Variants in ROBO3 observed in about 807,000 individuals in gnomAD.
ROBO3 encodes roundabout guidance receptor 3.
ROBO3 carries 97 observed loss-of-function variants against 160.5 expected under a neutral mutation model. The ratio of observed to expected loss-of-function variants is 0.60; its 90% CI spans 0.51 to 0.72. The LOEUF is 0.72. ROBO3 is among the 30% of genes least tolerant of loss of function. The pLI is 0.00. For synonymous variants in ROBO3, 780 were observed against 746.2 expected (o/e 1.05, Z -0.74); for missense variants, 1,858 against 1,846.5 (o/e 1.01, Z -0.11).
At position 124,869,491 on chromosome 11, in the gene ROBO3, G is replaced by C. The variant is rs1474772023; in HGVS notation, c.529G>C (p.Val177Leu). ...DFRQSPGNVVVAVGEPAVLEC... is the reference protein window; with the variant it reads ...DFRQSPGNVVLAVGEPAVLEC... ...CCGGCAGTCTCCTGGAAACGTGGTG[G>C]TGGCAGTGGGGGAGCCAGCAGTACT... is the stretch of plus-strand genomic sequence containing the variant. Residue 177 changes from valine (V) to leucine (L), a missense_variant, in exon 3 of 28, where the codon GTG becomes CTG. Physicochemically the swap from Val to Leu is conservative, Grantham distance 32. Coordinates refer to ENST00000397801, the MANE Select transcript of ROBO3 (RefSeq NM_022370.4). This position sits in a 1 kb window ranked among gnomAD's most constrained non-coding sequence, Gnocchi z 4.2. 6.4e-7 allele frequency: 1 copy of C among 1,559,570 alleles called. No individual in the cohort carries two copies. The highest frequency in any genetic ancestry group is 8.7e-7 in the Non-Finnish European group (1 of 1,151,310).
In ROBO3 at chr11:124,881,139, T is replaced by C. The variant is rs1250679119; in HGVS notation, c.4150-100T>C. 32 of 1,183,958 alleles carry C rather than the reference T, an allele frequency of 2.7e-5. 1 individual carries two copies. The East Asian group carries it at 5.6e-4, about 21-fold the overall frequency. 73.3% of individuals were successfully genotyped at this position (1,183,958 alleles called of 1,614,324 possible). ...ATAATAGAGGAGCCTGGGCTCACCG[T>C]AGGAGAACTGGGTTAGGAGAGAGAA... is the stretch of plus-strand genomic sequence containing the variant. On this transcript the variant is annotated intron_variant, in intron 27 of 27. Coordinates refer to ENST00000397801, the MANE Select transcript of ROBO3 (RefSeq NM_022370.4).
Position 124,869,067 on chromosome 11 carries a change from T to C in ROBO3, c.426T>C (p.Thr142=), listed in dbSNP as rs936779689. 1.9e-6 allele frequency: 3 copies of C among 1,599,718 alleles called. No individual in the cohort carries two copies. The highest frequency in any genetic ancestry group is 1.7e-5 in the Admixed American group (1 of 58,438). ...RRARPDEGVY[T]CVARNYLGAA... ...CGCGGCCGGACGAAGGTGTCTACACTTGCGTGGCTCGCAACTACCTGGGGG... is the reference window on the plus strand; with the variant it reads ...CGCGGCCGGACGAAGGTGTCTACACCTGCGTGGCTCGCAACTACCTGGGGG... Residue 142 remains threonine, a synonymous_variant, in exon 2 of 28, where the codon ACT becomes ACC. Transcript: ENST00000397801. This position sits in a 1 kb window ranked among gnomAD's most constrained non-coding sequence, Gnocchi z 4.2.
rs1327836262 is a variant in ROBO3, at chr11:124,871,139, G to T, written c.1158+1G>T. On this transcript the variant is annotated splice_donor_variant, in intron 7 of 27. Transcript: ENST00000397801. LOFTEE classifies it high-confidence loss of function. ...CTTCTGGCAGAAGGAGGGGAGTCAG[G>T]TGGGTGGCCATCTCCAAGGAGCTTC... 2 of 1,611,980 alleles carry T rather than the reference G, an allele frequency of 1.2e-6. No individual in the cohort carries two copies. The highest frequency in any genetic ancestry group is 2.7e-5 in the African/African-American group (2 of 74,922).
Position 124,877,150 on chromosome 11 carries a change from C to T in ROBO3, c.2780-11C>T, listed in dbSNP as rs1591517122. On this transcript the variant is annotated splice_polypyrimidine_tract_variant and intron_variant, in intron 17 of 27. Transcript: ENST00000397801. ...CACCTCTTCTTTCTCCCACGGGTTC[C>T]TTTCTGGAAGCCTCTTTTGCCTACA... 1.2e-6 allele frequency: 2 copies of T among 1,613,874 alleles called. No individual in the cohort carries two copies. The highest frequency in any genetic ancestry group is 1.7e-6 in the Non-Finnish European group (2 of 1,179,842).
In ROBO3 at chr11:124,876,712, C is replaced by G. The variant is rs2065103183; in HGVS notation, c.2779+252C>G. On this transcript the variant is annotated intron_variant, in intron 17 of 27. Transcript: ENST00000397801. This position sits in a 1 kb window ranked among gnomAD's most constrained non-coding sequence, Gnocchi z 5.3. ...TCTAAGACGCCACGAGGAGGCCAGG[C>G]TTTGCAACCATCTCCATAAAGAAGG... is the stretch of plus-strand genomic sequence containing the variant. The G allele has an allele frequency of 2.1e-6, 1 of 484,108 alleles. No individual in the cohort carries two copies. The highest frequency in any genetic ancestry group is 2.0e-5 in the African/African-American group (1 of 50,208). The allele number at this position is 484,108 out of a possible 1,614,324, so 30.0% of individuals were successfully genotyped here.
In ROBO3 at chr11:124,865,445, C is replaced by G. The variant is rs553920614; in HGVS notation, c.-133C>G. On this transcript the variant is annotated 5_prime_UTR_variant, in exon 1 of 28. Coordinates refer to ENST00000397801, the MANE Select transcript of ROBO3 (RefSeq NM_022370.4). The surrounding 1 kb of genome is among the most constrained non-coding windows in gnomAD (Gnocchi z 5.5). ...GAGGCACCGACCGTACCCAGGCGCA[C>G]CGGCAGGAGAGCGGCACCGTGGCTG... 5.0e-5 allele frequency: 43 copies of G among 864,600 alleles called. No homozygotes were observed. The highest frequency in any genetic ancestry group is 6.3e-5 in the Non-Finnish European group (36 of 570,448). 53.6% of individuals were successfully genotyped at this position (864,600 alleles called of 1,614,324 possible).
In ROBO3 at chr11:124,869,446, C is replaced by G; in HGVS notation, c.488-4C>G. ...CTTATTTCGCCCCCCACCGCCCCGC[C>G]CAGTCCTCCGTGATGATTTCCGGCA... On this transcript the variant is annotated splice_polypyrimidine_tract_variant and splice_region_variant and intron_variant, in intron 2 of 27. Transcript: ENST00000397801. The surrounding 1 kb of genome is among the most constrained non-coding windows in gnomAD (Gnocchi z 4.2). 3.9e-6 allele frequency: 6 copies of G among 1,521,642 alleles called. No individual in the cohort carries two copies. Among genetic ancestry groups the G allele is most frequent in the Non-Finnish European group, 5.4e-6 (6 of 1,119,418 alleles). The allele number at this position is 1,521,642 out of a possible 1,614,324, so 94.3% of individuals were successfully genotyped here.
Position 124,876,998 on chromosome 11 carries a change from G to T in ROBO3, c.2780-163G>T. On this transcript the variant is annotated intron_variant, in intron 17 of 27. Coordinates refer to ENST00000397801, the MANE Select transcript of ROBO3 (RefSeq NM_022370.4). This position sits in a 1 kb window ranked among gnomAD's most constrained non-coding sequence, Gnocchi z 5.3. ...ACTTGAGGGGCTTGAGAAAAATACC[G>T]ACACCTGAGTCCCACCCCCGAGAAA... is the stretch of plus-strand genomic sequence containing the variant. 1 of 798,708 alleles carries T rather than the reference G, an allele frequency of 1.3e-6. No homozygotes were observed. The highest frequency in any genetic ancestry group is 2.2e-6 in the Non-Finnish European group (1 of 459,706). The allele number at this position is 798,708 out of a possible 1,614,324, so 49.5% of individuals were successfully genotyped here. A position where few individuals can be genotyped will look rare whatever the true frequency, so the allele number is the denominator to read the frequency against.
chr11:124,872,688 T>C lies in ROBO3; in HGVS notation c.1330+136T>C, dbSNP rs1457423331. ...GTTCCTGAGGCATGACCTTGAAGTT[T>C]GGAAACCAGCAGCAGAAGCCACTAA... is the stretch of plus-strand genomic sequence containing the variant. On this transcript the variant is annotated intron_variant, in intron 8 of 27. Transcript: ENST00000397801. The surrounding 1 kb of genome is among the most constrained non-coding windows in gnomAD (Gnocchi z 4.3). The C allele has an allele frequency of 1.6e-5, 17 of 1,062,636 alleles. No homozygotes were observed. The highest frequency in any genetic ancestry group is 2.3e-5 in the Non-Finnish European group (17 of 754,404). The allele number at this position is 1,062,636 out of a possible 1,614,324, so 65.8% of individuals were successfully genotyped here. A position where few individuals can be genotyped will look rare whatever the true frequency, so the allele number is the denominator to read the frequency against.
Position 124,871,129 on chromosome 11 carries a change from G to A in ROBO3, c.1149G>A (p.Glu383=). 1 of 1,612,890 alleles carries A rather than the reference G, an allele frequency of 6.2e-7. No individual in the cohort carries two copies. The highest frequency in any genetic ancestry group is 1.1e-5 in the South Asian group (1 of 91,026). Residue 383 remains glutamate, a synonymous_variant, in exon 7 of 28, where the codon GAG becomes GAA. Coordinates refer to ENST00000397801, the MANE Select transcript of ROBO3 (RefSeq NM_022370.4). The part of the protein sequence containing the change: ...NPPPAIFWQK[E]GSQVLLFPSQ... ...CACCTGCCATCTTCTGGCAGAAGGAGGGGAGTCAGGTGGGTGGCCATCTCC... is the reference window on the plus strand; with the variant it reads ...CACCTGCCATCTTCTGGCAGAAGGAAGGGAGTCAGGTGGGTGGCCATCTCC...
Position 124,876,572 on chromosome 11 carries a change from G to T in ROBO3, c.2779+112G>T. 1.1e-6 allele frequency: 1 copy of T among 914,974 alleles called. No individual in the cohort carries two copies. Among genetic ancestry groups the T allele is most frequent in the East Asian group, 3.2e-5 (1 of 31,282 alleles). The allele number at this position is 914,974 out of a possible 1,614,324, so 56.7% of individuals were successfully genotyped here. ...AGGACCGGGTCGGGAGAAAGGGGTCGCACCTGGAGTTCAGCCTCTTGGGTA... is the reference window on the plus strand; with the variant it reads ...AGGACCGGGTCGGGAGAAAGGGGTCTCACCTGGAGTTCAGCCTCTTGGGTA... On this transcript the variant is annotated intron_variant, in intron 17 of 27. Transcript: ENST00000397801. The surrounding 1 kb of genome is among the most constrained non-coding windows in gnomAD (Gnocchi z 5.3).
rs201288420 is a variant in ROBO3 at position 124,878,093 on chromosome 11, G to T, written c.3143G>T (p.Ser1048Ile). The T allele has an allele frequency of 1.5e-4, 247 of 1,611,556 alleles. No homozygotes were observed. Among genetic ancestry groups the T allele is most frequent in the Non-Finnish European group, 2.0e-4 (234 of 1,179,288 alleles). ...CCCTCAGGAGATCTGGGTCCCTGGAGCCAGTACGCTCCTCCAGAGTGGAGC... is the reference window on the plus strand; with the variant it reads ...CCCTCAGGAGATCTGGGTCCCTGGATCCAGTACGCTCCTCCAGAGTGGAGC... ...QHPSGDLGPW[S>I]QYAPPEWSQG... Residue 1048 changes from serine to isoleucine, a missense_variant, in exon 21 of 28, where the codon AGC (serine) becomes ATC (isoleucine). Ser to Ile is a moderately radical substitution (Grantham distance 142). Transcript: ENST00000397801. This position sits in a 1 kb window ranked among gnomAD's most constrained non-coding sequence, Gnocchi z 4.3.
chr11:124,878,697 C>A lies in ROBO3; in HGVS notation c.3434C>A (p.Thr1145Lys). 1 of 1,613,918 alleles carries A rather than the reference C, an allele frequency of 6.2e-7. No homozygotes were observed. The highest frequency in any genetic ancestry group is 1.3e-5 in the African/African-American group (1 of 75,062). Reference protein sequence around the residue: ...TPSRRETPSPTPSYGQQSTAT... With the variant: ...TPSRRETPSPKPSYGQQSTAT... ...TCCCGAAGGGAAACCCCCTCTCCCACACCTTCCTATGGACAGCAGTCCACA... is the reference window on the plus strand; with the variant it reads ...TCCCGAAGGGAAACCCCCTCTCCCAAACCTTCCTATGGACAGCAGTCCACA... The change falls in exon 23 of 28, where the codon ACA becomes AAA. Residue 1145 changes from threonine to lysine, a missense_variant. Physicochemically the swap from Thr to Lys is moderately conservative, Grantham distance 78. Transcript: ENST00000397801. The surrounding 1 kb of genome is among the most constrained non-coding windows in gnomAD (Gnocchi z 4.3).
rs1407753314 is a variant in ROBO3, at chr11:124,880,423, G to T, written c.3964G>T (p.Ala1322Ser). ...AQRVLHPDEE[A>S]WLPYSRPSFL... ...CCTTCCCTCTTGTGCTGCAGAAGAG[G>T]CCTGGCTCCCATACAGCAGACCAAG... Residue 1322 changes from alanine (A) to serine (S), a missense_variant, in exon 27 of 28, where the codon GCC becomes TCC. Coordinates refer to ENST00000397801, the MANE Select transcript of ROBO3 (RefSeq NM_022370.4). The T allele has an allele frequency of 2.5e-6, 4 of 1,613,188 alleles. No individual in the cohort carries two copies. In the African/African-American group the frequency reaches 5.3e-5, roughly 22 times the overall value.
rs750479840 is a variant in ROBO3 at position 124,878,318 on chromosome 11, A to C, written c.3202A>C (p.Lys1068Gln). 1 of 1,613,574 alleles carries C rather than the reference A, an allele frequency of 6.2e-7. No homozygotes were observed. Among genetic ancestry groups the C allele is most frequent in the African/African-American group, 1.3e-5 (1 of 75,042 alleles). ...CTCAGGAGCCAAGGGAGGCAAAGTG[A>C]AGCTTCTGGGGAAACCTGTGCAGAT... ...GDSGAKGGKV[K>Q]LLGKPVQMPS... Residue 1068 changes from lysine (K) to glutamine (Q), a missense_variant, in exon 22 of 28, where the codon AAG (lysine) becomes CAG (glutamine). Transcript: ENST00000397801. The surrounding 1 kb of genome is among the most constrained non-coding windows in gnomAD (Gnocchi z 4.3).
rs369659673 is a variant in ROBO3 at position 124,873,746 on chromosome 11, G to A, written c.1668G>A (p.Pro556=). 39 of 1,613,670 alleles carry A rather than the reference G, an allele frequency of 2.4e-5. No individual in the cohort carries two copies. Among genetic ancestry groups the A allele is most frequent in the African/African-American group, 5.3e-5 (4 of 75,018 alleles). ...PDPPTEPSSP[P]GAPSQPVVTE... ...CCCCTACAGAACCCAGTTCCCCTCC[G>A]GGGGCTCCCTCTCAGCCAGTGGTCA... Residue 556 remains proline, a synonymous_variant, in exon 11 of 28, where the codon CCG becomes CCA. Coordinates refer to ENST00000397801, the MANE Select transcript of ROBO3 (RefSeq NM_022370.4). This position sits in a 1 kb window ranked among gnomAD's most constrained non-coding sequence, Gnocchi z 4.5.
In ROBO3 at chr11:124,875,286, A is replaced by G. The variant is rs764368445; in HGVS notation, c.2249A>G (p.Glu750Gly). 1.3e-6 allele frequency: 2 copies of G among 1,591,484 alleles called. No individual in the cohort carries two copies. Residue 750 changes from glutamate to glycine, a missense_variant, in exon 14 of 28, where the codon GAG becomes GGG. Glu to Gly is a moderately conservative substitution (Grantham distance 98). Transcript: ENST00000397801. ...IQIKVQAQGQ[E>G]GLGAESLSVT... ...ATCAAGGTGCAAGCCCAAGGCCAGG[A>G]GGGGCTGGGGGCTGAAAGCCTCTCT...
intron 13 of ROBO3, 89 bp from the exon 14 acceptor site, chr11:124,875,022 A>T: frequency 6.6e-7 from 1 of 1,511,406 alleles, no homozygotes; most frequent in African/African-American, 1.4e-5. Context: ...AGGCGGCATG[A>T]GTGGGAGGAG....
chr11:124,872,396 A>G lies in ROBO3; in HGVS notation c.1174A>G (p.Ser392Gly). ...KEGSQVLLFP[S>G]QSLQPTGRFS... ...CTGTCCCCAGGTCCTGCTTTTCCCC[A>G]GTCAGTCACTTCAGCCGACGGGGCG... Residue 392 changes from serine (S) to glycine (G), a missense_variant, in exon 8 of 28, where the codon AGT becomes GGT. Transcript: ENST00000397801. This position sits in a 1 kb window ranked among gnomAD's most constrained non-coding sequence, Gnocchi z 4.3. The G allele has an allele frequency of 6.2e-7, 1 of 1,613,970 alleles. No individual in the cohort carries two copies. The highest frequency in any genetic ancestry group is 8.5e-7 in the Non-Finnish European group (1 of 1,179,886).
Sources: allele counts gnomAD v4.1 joint callset, GRCh38; gene constraint gnomAD v4.1.1; non-coding constraint Gnocchi (gnomAD v3.1); transcripts MANE v1.5; gene names NCBI Gene and HGNC (gene_info 2026-07-23, HGNC 2026-07-21).